HIKESHI: variants seen among roughly 807,000 people sequenced by gnomAD.
HIKESHI encodes heat shock protein nuclear import factor hikeshi.
HIKESHI carries 13 observed loss-of-function variants against 25.7 expected under a neutral mutation model. That is an observed-to-expected ratio of 0.51 (90% CI 0.33 to 0.80). The LOEUF is 0.80. HIKESHI is among the 30% of genes least tolerant of loss of function. The pLI is 0.02. For missense variants in HIKESHI, 174 were observed against 229.5 expected (o/e 0.76, Z 1.56); for synonymous variants, 76 against 78.7 (o/e 0.97, Z 0.18).
At chr11:86,317,944 C>G (rs940785770) in intron 2 of HIKESHI, among the ~76,000 whole-genome samples, 21 of 151,930 alleles carry the variant, frequency 1.4e-4, no homozygotes, top group African/African-American at 4.8e-4. Context: ...TAGGAACAGA[C>G]AAAATTGGCT....
intron 2 of HIKESHI, among the ~76,000 whole-genome samples, chr11:86,332,221 C>A (rs545995499): frequency 6.6e-6 from 1 of 152,118 alleles, no homozygotes; most frequent in Non-Finnish European, 1.5e-5. Context: ...GCCTCGGCCT[C>A]GCAAAGTGCT....
At chr11:86,303,362 A>T (rs1946543385) in intron 1 of HIKESHI, 2 of 973,572 alleles carry the variant, frequency 2.1e-6, no homozygotes, top group Admixed American at 1.2e-4. Context: ...TACAGTTCTA[A>T]GAAGCCAGAA....
chr11:86,331,549 T>C (rs1169092263), intron 2 of HIKESHI, among the ~76,000 whole-genome samples: 2 of 152,154 alleles, frequency 1.3e-5, no homozygotes, highest in African/African-American at 4.8e-5. Flanking sequence ...TGACTGTTAC[T>C]GCCCTCCCTC....
At chr11:86,316,468 C>T (rs1354720594) in intron 2 of HIKESHI, among the ~76,000 whole-genome samples, 2 of 152,010 alleles carry the variant, frequency 1.3e-5, no homozygotes, top group Admixed American at 6.6e-5. Flanking sequence ...GCCGAGACCC[C>T]ACCACGGCAC....
intron 2 of HIKESHI, among the ~76,000 whole-genome samples, chr11:86,323,261 GTATT>G (rs1947194419): frequency 6.6e-6 from 1 of 151,670 alleles, no homozygotes; most frequent in Non-Finnish European, 1.5e-5. Flanking sequence ...AAATATATGA[GTATT>G]TATGTATTGA....
chr11:86,344,507 A>G, intron 3 of HIKESHI, 96 bp from the exon 4 acceptor site: 1 of 780,592 alleles, frequency 1.3e-6, no homozygotes. Flanking sequence ...GACACTCCCT[A>G]TAAACAAGTT....
intron 2 of HIKESHI, among the ~76,000 whole-genome samples, chr11:86,306,865 T>C (rs975816337): frequency 6.6e-6 from 1 of 150,994 alleles, no homozygotes; most frequent in Non-Finnish European, 1.5e-5. Flanking sequence ...CCGGGCGTGG[T>C]GGTGGGCGCC....
intron 3 of HIKESHI, among the ~76,000 whole-genome samples, chr11:86,341,680 A>C (rs1442094590): frequency 6.6e-6 from 1 of 151,928 alleles, no homozygotes; most frequent in Non-Finnish European, 1.5e-5. Context: ...GGGCCTCATT[A>C]TGTTGCCCAG....
intron 3 of HIKESHI, chr11:86,343,999 G>C (rs985435076): frequency 6.6e-6 from 1 of 152,214 alleles, no homozygotes; most frequent in African/African-American, 2.4e-5. Flanking sequence ...TTAGAGTCAA[G>C]GAAGGGAAAC....
rs114235084 is a variant in HIKESHI at position 86,345,118 on chromosome 11, C to T, written c.539+397C>T. On this transcript the variant is annotated intron_variant, in intron 4 of 4. Transcript: ENST00000278483. ...GATATTTCTTTTCACTTTGAGTATC[C>T]TAGAGATGGGAGGATGCCTAGGAAG... The T allele has an allele frequency of 1.5e-4, 162 of 1,056,744 alleles. 1 individual carries two copies. In the African/African-American group the frequency reaches 2.2e-3, roughly 15 times the overall value. The allele number at this position is 1,056,744 out of a possible 1,614,324, so 65.5% of individuals were successfully genotyped here.
chr11:86,319,256 T>TTTTTTTTA (rs1947088275), intron 2 of HIKESHI, among the ~76,000 whole-genome samples: 1 of 142,604 alleles, frequency 7.0e-6, no homozygotes, highest in African/African-American at 2.7e-5. Flanking sequence ...TTTTTTTTTT[T>TTTTTTTTA]GAGACCAGTC....
intron 2 of HIKESHI, among the ~76,000 whole-genome samples, chr11:86,333,675 C>G (rs1947476742): frequency 6.6e-6 from 1 of 151,730 alleles, no homozygotes; most frequent in African/African-American, 2.4e-5. Context: ...ATTCTTTTAT[C>G]TCTTATATTT....
chr11:86,339,527 C>A (rs969179732), intron 3 of HIKESHI, among the ~76,000 whole-genome samples: 1 of 152,188 alleles, frequency 6.6e-6, no homozygotes, highest in Non-Finnish European at 1.5e-5. Context: ...GAAATTAAGG[C>A]ATTATAGATA....
At chr11:86,304,345 T>C (rs962143814) in intron 1 of HIKESHI, among the ~76,000 whole-genome samples, 1 of 152,140 alleles carries the variant, frequency 6.6e-6, no homozygotes, top group African/African-American at 2.4e-5. Flanking sequence ...TTAGGAAGAC[T>C]AGCCAGCACT....
At chr11:86,314,867 C>A (rs1245140327) in intron 2 of HIKESHI, among the ~76,000 whole-genome samples, 3 of 152,142 alleles carry the variant, frequency 2.0e-5, no homozygotes, top group Non-Finnish European at 4.4e-5. Flanking sequence ...AATGCCGATT[C>A]CTGGCAAGAC....
intron 3 of HIKESHI, among the ~76,000 whole-genome samples, chr11:86,341,381 T>C (rs1159165938): frequency 6.6e-6 from 1 of 152,190 alleles, no homozygotes; most frequent in East Asian, 1.9e-4. Context: ...TTTCTATGTT[T>C]CTACTTCTAA....
chr11:86,324,630 T>C (rs1947230180), intron 2 of HIKESHI, among the ~76,000 whole-genome samples: 1 of 152,196 alleles, frequency 6.6e-6, no homozygotes, highest in Non-Finnish European at 1.5e-5. Context: ...AAATGGTGTA[T>C]CATTAAAATA....
chr11:86,340,691 G>A lies in HIKESHI; in HGVS notation c.420+3161G>A, dbSNP rs201550526. Among the ~76,000 whole-genome samples the A allele has an allele frequency of 3.9e-5, 6 of 152,256 alleles. No homozygotes were observed. The East Asian group carries it at 9.6e-4, about 24-fold the overall frequency. On this transcript the variant is annotated intron_variant, in intron 3 of 4. Coordinates refer to ENST00000278483, the MANE Select transcript of HIKESHI (RefSeq NM_016401.4). ...GATGGAGTCTCACTCTGTTGCCCAGGCTGGAGTGCAATGGCGTGATCTCGG... is the reference window on the plus strand; with the variant it reads ...GATGGAGTCTCACTCTGTTGCCCAGACTGGAGTGCAATGGCGTGATCTCGG...
chr11:86,330,848 C>G (rs984916040), intron 2 of HIKESHI, among the ~76,000 whole-genome samples: 11 of 152,144 alleles, frequency 7.2e-5, no homozygotes, highest in African/African-American at 2.7e-4. Flanking sequence ...CATGAGAAAA[C>G]TTGATAGTCT....
Sources: allele counts gnomAD v4.1 joint callset (sites outside exome capture counted in the v4.1 genomes callset), GRCh38; gene constraint gnomAD v4.1.1; transcripts MANE v1.5; gene names NCBI Gene and HGNC (gene_info 2026-07-23, HGNC 2026-07-21).